RARB: variants seen among roughly 807,000 people sequenced by gnomAD.
RARB encodes the protein retinoic acid receptor beta, also known as HBV-activated protein.
RARB carries 17 observed loss-of-function variants against 51.9 expected under a neutral mutation model. The observed-to-expected ratio is 0.33, with a 90% CI of 0.22 to 0.49. RARB has a LOEUF of 0.49. Among genes scored for constraint, RARB ranks in the 20% least tolerant of loss-of-function variants. The pLI is 0.99. For missense variants in RARB, 369 were observed against 550.8 expected (o/e 0.67, Z 3.30); for synonymous variants, 215 against 195.4 (o/e 1.10, Z -0.84).
chr3:25,420,105 C>T lies in RARB; in HGVS notation c.179-41088C>T, dbSNP rs139237289. ...CACATTACCTGTGTGTGTGTGCGCG[C>T]GTGTGTGTGTATAATGTGCTTTTAT... On this transcript the variant is annotated intron_variant, in intron 5 of 11. Coordinates refer to the RARB transcript ENST00000383772. Among the ~76,000 whole-genome samples, 425 of 152,016 alleles carry T rather than the reference C, an allele frequency of 2.8e-3. 2 individuals carry two copies. Among genetic ancestry groups the T allele is most frequent in the African/African-American group, 9.6e-3 (397 of 41,482 alleles).
At chr3:25,442,657 T>C (rs577741501) in intron 1 of RARB, among the ~76,000 whole-genome samples, 1 of 152,280 alleles carries the variant, frequency 6.6e-6, no homozygotes, top group African/African-American at 2.4e-5. Flanking sequence ...TGCAGGAAAA[T>C]GTAAACAGAA....
intron 5 of RARB, among the ~76,000 whole-genome samples, chr3:25,323,414 T>G (rs528410266): frequency 6.6e-6 from 1 of 152,324 alleles, no homozygotes; most frequent in African/African-American, 2.4e-5. Context: ...AACAGGTGAA[T>G]TTTTCCATTT....
In RARB at chr3:25,495,240, G is replaced by T. The variant is rs1029828271; in HGVS notation, c.307-5942G>T. Among the ~76,000 whole-genome samples the T allele has an allele frequency of 1.1e-4, 16 of 152,302 alleles. 1 individual carries two copies. The highest frequency in any genetic ancestry group is 3.4e-3 in the Middle Eastern group (1 of 294). ...AAAAATCTAAAGCAATAGTTTGAGGGTATCAGAGGAGGGAAGATGGCCTAA... is the reference window on the plus strand; with the variant it reads ...AAAAATCTAAAGCAATAGTTTGAGGTTATCAGAGGAGGGAAGATGGCCTAA... On this transcript the variant is annotated intron_variant, in intron 2 of 7. Coordinates refer to ENST00000330688, the MANE Select transcript of RARB (RefSeq NM_000965.5).
At chr3:25,574,118 C>G (rs1198117792) in intron 4 of RARB, among the ~76,000 whole-genome samples, 1 of 152,202 alleles carries the variant, frequency 6.6e-6, no homozygotes, top group Non-Finnish European at 1.5e-5. Context: ...AAAATAGAAT[C>G]AGGACTGAAC....
chr3:25,363,998 T>G (rs1706034988), intron 5 of RARB, among the ~76,000 whole-genome samples: 1 of 152,232 alleles, frequency 6.6e-6, no homozygotes, highest in South Asian at 2.1e-4. Context: ...ATCTTCTTAG[T>G]AGGTTCTATC....
At chr3:25,145,777 C>T (rs894901274) in intron 4 of RARB, among the ~76,000 whole-genome samples, 1 of 152,052 alleles carries the variant, frequency 6.6e-6, no homozygotes, top group Non-Finnish European at 1.5e-5. Context: ...GGGTGGCTCA[C>T]CTGAGGTCAG....
intron 3 of RARB, among the ~76,000 whole-genome samples, chr3:25,077,595 A>G (rs551295929): frequency 6.6e-6 from 1 of 152,258 alleles, no homozygotes; most frequent in African/African-American, 2.4e-5. Context: ...GTGGATGGAC[A>G]TTTGGTTATT....
intron 4 of RARB, among the ~76,000 whole-genome samples, chr3:25,162,908 T>A (rs746797303): frequency 8.5e-5 from 13 of 152,240 alleles, no homozygotes; most frequent in Non-Finnish European, 1.6e-4. Flanking sequence ...TATGTGGACA[T>A]GTTTTCAATT....
intron 5 of RARB, among the ~76,000 whole-genome samples, chr3:25,175,764 T>A (rs1700731846): frequency 6.6e-6 from 1 of 152,200 alleles, no homozygotes; most frequent in Non-Finnish European, 1.5e-5. Flanking sequence ...TCTTTCCTTC[T>A]GTGTTTCGAA....
intron 4 of RARB, among the ~76,000 whole-genome samples, chr3:25,153,273 GTGT>G (rs568772378): frequency 2.5e-3 from 386 of 152,254 alleles, no homozygotes; most frequent in Non-Finnish European, 4.2e-3. Flanking sequence ...ACACAGAGAA[GTGT>G]TGTTTTGTGC....
chr3:24,994,944 T>C (rs1696991075), intron 2 of RARB, among the ~76,000 whole-genome samples: 1 of 152,156 alleles, frequency 6.6e-6, no homozygotes, highest in African/African-American at 2.4e-5. Flanking sequence ...GCTTTGTTGT[T>C]TTTGCTCAGG....
intron 3 of RARB, among the ~76,000 whole-genome samples, chr3:25,519,728 AAAAG>A (rs1332761584): frequency 2.0e-5 from 3 of 152,332 alleles, no homozygotes; most frequent in East Asian, 1.9e-4. Context: ...GTGATTAAAA[AAAAG>A]AAAAGCTACT....
Position 25,532,710 on chromosome 3 carries a change from G to A in RARB, c.448+31387G>A, listed in dbSNP as rs116799700. Among the ~76,000 whole-genome samples the A allele has an allele frequency of 3.1e-3, 475 of 152,272 alleles. 1 individual carries two copies. Among genetic ancestry groups the A allele is most frequent in the African/African-American group, 0.011 (460 of 41,556 alleles). On this transcript the variant is annotated intron_variant, in intron 3 of 7. Coordinates refer to ENST00000330688, the MANE Select transcript of RARB (RefSeq NM_000965.5). ...TTAACTCTCAAATTATTATGAACAT[G>A]GTCCAAATGTCTGGAGCCCTAAAGA...
chr3:24,844,871 T>C (rs1400118639), intron 1 of RARB, among the ~76,000 whole-genome samples: 2 of 152,158 alleles, frequency 1.3e-5, no homozygotes, highest in Admixed American at 6.5e-5. Flanking sequence ...TCAAGTCAGG[T>C]GACTTACTTT....
chr3:25,143,212 C>A (rs1373045634), intron 4 of RARB, among the ~76,000 whole-genome samples: 2 of 152,162 alleles, frequency 1.3e-5, no homozygotes, highest in Non-Finnish European at 2.9e-5. Context: ...ATTTAGCTAG[C>A]AGCTGCTAGC....
At chr3:24,942,899 T>C (rs33953116) in intron 2 of RARB, among the ~76,000 whole-genome samples, 33,352 of 152,182 alleles carry the variant, frequency 0.22, 3,806 homozygotes, top group African/African-American at 0.27. Context: ...TTAATCTTCC[T>C]GTTATCTCAT....
Position 25,126,681 on chromosome 3 carries a change from T to C in RARB, c.-327-5480T>C, listed in dbSNP as rs561429691. Among the ~76,000 whole-genome samples the C allele has an allele frequency of 3.9e-5, 6 of 152,300 alleles. No homozygotes were observed. In the East Asian group the frequency reaches 1.2e-3, roughly 29 times the overall value. On this transcript the variant is annotated intron_variant, in intron 3 of 11. Transcript: ENST00000383772. ...CAGACAATGCTTTAAGTAGCAAAGC[T>C]CTTGGCAATAACTTTCATCTCCTGA...
intron 5 of RARB, among the ~76,000 whole-genome samples, chr3:25,241,002 A>G (rs772440290): frequency 6.6e-6 from 1 of 152,098 alleles, no homozygotes; most frequent in Non-Finnish European, 1.5e-5. Flanking sequence ...AGTCAATCTC[A>G]TTACTTCTTG....
At chr3:25,374,874 G>A (rs187578410) in intron 5 of RARB, among the ~76,000 whole-genome samples, 4 of 152,230 alleles carry the variant, frequency 2.6e-5, no homozygotes, top group Admixed American at 2.6e-4. Flanking sequence ...CTTTGCCTAC[G>A]AATGAACTGC....
Sources: gnomAD v4.1 joint callset for allele counts (sites outside exome capture counted in the v4.1 genomes callset) on GRCh38, gnomAD v4.1.1 for gene constraint, MANE v1.5 for transcripts, NCBI Gene and HGNC (gene_info 2026-07-23, HGNC 2026-07-21) for gene names.